OR2T2: variants seen among roughly 807,000 people sequenced by gnomAD.
The protein encoded by OR2T2 is olfactory receptor family 2 subfamily T member 2.
For missense variants in OR2T2, 138 were observed against 409.1 expected, an observed-to-expected ratio of 0.34 and a Z score of 5.72; for synonymous variants, 50 against 162.7, an observed-to-expected ratio of 0.31 and a Z score of 5.27.
intron 2 of OR2T2, among the ~76,000 whole-genome samples, chr1:248,447,210 T>G (rs1358743903): frequency 6.7e-6 from 1 of 149,480 alleles, no homozygotes; most frequent in Non-Finnish European, 1.5e-5. Context: ...CCAAATGCGT[T>G]CATTCATAAA....
chr1:248,446,234 TC>T (rs1411128136), intron 1 of OR2T2, among the ~76,000 whole-genome samples: 1 of 131,366 alleles, frequency 7.6e-6, no homozygotes, highest in Non-Finnish European at 1.6e-5. Flanking sequence ...TGCCTTAAGA[TC>T]TTTTTTTTTA....
At chr1:248,445,966 A>G (rs373841973) in intron 1 of OR2T2, among the ~76,000 whole-genome samples, 2,987 of 103,618 alleles carry the variant, frequency 0.029, 36 homozygotes, top group East Asian at 0.058. Flanking sequence ...GCCGACAGTT[A>G]GAAGAATGTG....
exon 3 of OR2T2, chr1:248,455,130 G>GT (rs1662905636): frequency 6.6e-6 from 1 of 150,702 alleles, no homozygotes; most frequent in African/African-American, 2.5e-5. Context: ...TTTCTCCTGT[G>GT]TGTAAGGTCC....
chr1:248,447,074 T>TGG (rs1558337707), intron 2 of OR2T2, among the ~76,000 whole-genome samples: 1 of 150,772 alleles, frequency 6.6e-6, no homozygotes, highest in African/African-American at 2.5e-5. Context: ...TAAAGGGGGG[T>TGG]GGTAACTAAG....
intron 2 of OR2T2, among the ~76,000 whole-genome samples, chr1:248,447,045 A>AT (rs1457915573): frequency 6.6e-6 from 1 of 151,818 alleles, no homozygotes; most frequent in Non-Finnish European, 1.5e-5. Flanking sequence ...AACAGTTACC[A>AT]TTTAAATAAA....
chr1:248,451,493 G>GCAAAAAACAAAACA (rs1295552973), intron 2 of OR2T2, among the ~76,000 whole-genome samples: 1 of 118,710 alleles, frequency 8.4e-6, no homozygotes, highest in Non-Finnish European at 1.6e-5. Context: ...TTTGTTTTTT[G>GCAAAAAACAAAACA]AGACAAAGTC....
intron 2 of OR2T2, 87 bp downstream of exon 2, chr1:248,446,898 A>G (rs1170302649): frequency 7.2e-6 from 1 of 139,594 alleles, no homozygotes; most frequent in African/African-American, 3.1e-5. Flanking sequence ...GTTCACCTAC[A>G]TGCCATTATA....
chr1:248,455,128 G>C (rs1662905593), exon 3 of OR2T2: 1 of 150,738 alleles, frequency 6.6e-6, no homozygotes, highest in South Asian at 2.1e-4. Context: ...AGTTTCTCCT[G>C]TGTGTAAGGT....
At position 248,453,510 on chromosome 1, in the gene OR2T2, C is replaced by A. The variant is rs770761190; in HGVS notation, c.713C>A (p.Ala238Asp). 1.3e-6 allele frequency: 2 copies of A among 1,579,884 alleles called. No homozygotes were observed. Among genetic ancestry groups the A allele is most frequent in the South Asian group, 1.2e-5 (1 of 86,424 alleles). The change falls in exon 3 of 3, where the codon GCC becomes GAC. Residue 238 changes from alanine (A) to aspartate (D), a missense_variant. Coordinates refer to ENST00000642130, the Ensembl canonical transcript of OR2T2. ...AACTCTGCTGAGGGCCGGCGCAAAG[C>A]CTTTGCTACGTGTTCCTCCCACATT... is the stretch of plus-strand genomic sequence containing the variant.
At chr1:248,449,822 C>CTT (rs1246892706) in intron 2 of OR2T2, among the ~76,000 whole-genome samples, 1 of 123,636 alleles carries the variant, frequency 8.1e-6, no homozygotes. Flanking sequence ...TTTTCTTTTT[C>CTT]TTTTTCTTTT....
At chr1:248,450,421 C>A (rs1372940368) in intron 2 of OR2T2, among the ~76,000 whole-genome samples, 4 of 146,892 alleles carry the variant, frequency 2.7e-5, no homozygotes, top group Admixed American at 6.6e-5. Flanking sequence ...CCTGTTTCAG[C>A]TTTTTTACTC....
intron 1 of OR2T2, among the ~76,000 whole-genome samples, chr1:248,446,235 CT>C (rs144488546): frequency 0.066 from 9,119 of 137,878 alleles, 224 homozygotes; most frequent in East Asian, 0.15. Context: ...GCCTTAAGAT[CT>C]TTTTTTTTAA....
chr1:248,445,885 G>A (rs1389987997), intron 1 of OR2T2, among the ~76,000 whole-genome samples: 9 of 149,944 alleles, frequency 6.0e-5, no homozygotes, highest in Admixed American at 4.6e-4. Context: ...CATGAAACGT[G>A]GGAAGCTAAG....
chr1:248,451,478 CTTG>C (rs1441126628), intron 2 of OR2T2, among the ~76,000 whole-genome samples: 3 of 116,548 alleles, frequency 2.6e-5, no homozygotes, highest in African/African-American at 5.0e-5. Flanking sequence ...TTTTTGTTTT[CTTG>C]TTTTGTTTTT....
At position 248,447,528 on chromosome 1, in the gene OR2T2, C is replaced by CT. The variant is rs1162669746; in HGVS notation, c.-23+718dup. On this transcript the variant is annotated intron_variant, in intron 2 of 2. Coordinates refer to ENST00000642130, the Ensembl canonical transcript of OR2T2. ...TCTTCAGCTGTAGTTAGACTGGACT[C>CT]TCCCCTCTCTCTTCCACCCCTAGTG... Among the ~76,000 whole-genome samples, 18 of 146,952 alleles carry CT rather than the reference C, an allele frequency of 1.2e-4. 1 individual carries two copies. Among genetic ancestry groups the CT allele is most frequent in the Middle Eastern group, 6.9e-3 (2 of 290 alleles).
chr1:248,452,419 G>GT (rs1387227954), intron 2 of OR2T2, among the ~76,000 whole-genome samples: 1 of 62,526 alleles, frequency 1.6e-5, no homozygotes, highest in African/African-American at 1.0e-4. Flanking sequence ...ATAAGGCACA[G>GT]TAACCACCCT....
rs540299967 is a variant in OR2T2 at position 248,445,997 on chromosome 1, A to T, written c.-246+328A>T. On this transcript the variant is annotated intron_variant, in intron 1 of 2. Transcript: ENST00000642130. ...ATGTGCTTGGTATTCACAATGAGAA[A>T]GTTTCAGAATTAATTGGTAGCAGGG... Among the ~76,000 whole-genome samples the T allele has an allele frequency of 7.6e-5, 11 of 145,522 alleles. No individual in the cohort carries two copies. In the East Asian group the frequency reaches 2.1e-3, roughly 28 times the overall value.
At chr1:248,446,107 C>A (rs1214243223) in intron 1 of OR2T2, among the ~76,000 whole-genome samples, 2 of 145,086 alleles carry the variant, frequency 1.4e-5, no homozygotes, top group African/African-American at 5.6e-5. Context: ...TGATTAATTG[C>A]TCCGTTCATA....
exon 3 of OR2T2, chr1:248,453,161 G>A (rs370402767): frequency 1.2e-5 from 19 of 1,612,260 alleles, no homozygotes; most frequent in Non-Finnish European, 1.6e-5. Flanking sequence ...CATGGCCTAT[G>A]ACCGCTATGT....
Sources: allele counts gnomAD v4.1 joint callset (sites outside exome capture counted in the v4.1 genomes callset), GRCh38; gene constraint gnomAD v4.1.1; transcripts MANE v1.5; gene names NCBI Gene and HGNC (gene_info 2026-07-23, HGNC 2026-07-21).